UBE3B: variants seen among roughly 807,000 people sequenced by gnomAD.
UBE3B encodes the protein ubiquitin protein ligase E3B.
In UBE3B, 80 loss-of-function variants were observed where a neutral mutation model predicts 132.3. The ratio of observed to expected loss-of-function variants is 0.60; its 90% CI spans 0.50 to 0.73. UBE3B has a LOEUF of 0.73. Ranked by LOEUF, UBE3B falls within the 30% of genes least tolerant of loss-of-function variation. The pLI is 0.00. For synonymous variants in UBE3B, 487 were observed against 520.4 expected, an observed-to-expected ratio of 0.94 and a Z score of 0.87; for missense variants, 1,196 against 1,362.5, an observed-to-expected ratio of 0.88 and a Z score of 1.92.
Position 109,509,675 on chromosome 12 carries a change from A to T in UBE3B, c.1702A>T (p.Asn568Tyr). 1 of 1,610,034 alleles carries T rather than the reference A, an allele frequency of 6.2e-7. No homozygotes were observed. The highest frequency in any genetic ancestry group is 2.2e-5 in the East Asian group (1 of 44,734). ...GCTGGTCACTATCTCCTCTTTCCTG[A>T]ATTCTTTTGTGTTTAAGATGATCTG... ...EELVTISSFL[N>Y]SFVFKMIWDG... The change falls in exon 16 of 28, where the codon AAT becomes TAT. Residue 568 changes from asparagine to tyrosine, a missense_variant. By Grantham distance (143) the Asn-to-Tyr change is moderately radical. Coordinates refer to ENST00000342494, the MANE Select transcript of UBE3B (RefSeq NM_130466.4).
chr12:109,545,269 G>T, the UBE3B span, among the ~76,000 whole-genome samples: 1 of 152,166 alleles, frequency 6.6e-6, no homozygotes, highest in African/African-American at 2.4e-5. Flanking sequence ...GCCGGGCCCC[G>T]CCCAGGAAGC....
intron 3 of UBE3B, 74 bp from the exon 4 acceptor site, chr12:109,483,787 A>G: frequency 1.9e-6 from 3 of 1,586,916 alleles, no homozygotes; most frequent in Non-Finnish European, 2.6e-6. Flanking sequence ...TTTTTCTCAT[A>G]AAGTGCTTGA....
Position 109,509,703 on chromosome 12 carries a change from A to G in UBE3B, c.1730A>G (p.Asp577Gly). 6.2e-7 allele frequency: 1 copy of G among 1,603,912 alleles called. No individual in the cohort carries two copies. The highest frequency in any genetic ancestry group is 8.5e-7 in the Non-Finnish European group (1 of 1,176,524). Residue 577 changes from aspartate (D) to glycine (G), a missense_variant, in exon 16 of 28, where the codon GAT becomes GGT. Physicochemically the swap from Asp to Gly is moderately conservative, Grantham distance 94 (BLOSUM62 -1). Coordinates refer to ENST00000342494, the MANE Select transcript of UBE3B (RefSeq NM_130466.4). Reference protein sequence around the residue: ...LNSFVFKMIWDGIVENAKGET... With the variant: ...LNSFVFKMIWGGIVENAKGET... ...TCTTTTGTGTTTAAGATGATCTGGG[A>G]TGGAATTGTAGGTAAGAGAAAAGGT... is the stretch of plus-strand genomic sequence containing the variant.
At chr12:109,480,042 G>A (rs1875099029) in intron 1 of UBE3B, among the ~76,000 whole-genome samples, 1 of 152,146 alleles carries the variant, frequency 6.6e-6, no homozygotes, top group Non-Finnish European at 1.5e-5. Flanking sequence ...ACAGGGCCAG[G>A]AGTTCATAGC....
chr12:109,506,679 G>A (rs1467173402), intron 14 of UBE3B, among the ~76,000 whole-genome samples: 2 of 152,178 alleles, frequency 1.3e-5, no homozygotes, highest in Non-Finnish European at 2.9e-5. Context: ...CACATTGTCT[G>A]TGGCCGCTTT....
intron 19 of UBE3B, chr12:109,519,701 A>G (rs1265242453): frequency 1.3e-5 from 2 of 152,220 alleles, no homozygotes; most frequent in African/African-American, 4.8e-5. Flanking sequence ...AAATGCTGTT[A>G]CAGCTGCCTG....
At chr12:109,499,007 G>A (rs1352971427) in intron 11 of UBE3B, among the ~76,000 whole-genome samples, 1 of 151,856 alleles carries the variant, frequency 6.6e-6, no homozygotes, top group Admixed American at 6.6e-5. Context: ...TGTATTTTTA[G>A]TGGAGACGGG....
chr12:109,492,245 T>G (rs1232229117), intron 9 of UBE3B: 3 of 152,216 alleles, frequency 2.0e-5, no homozygotes, highest in African/African-American at 7.2e-5. Flanking sequence ...AAATGAAAAT[T>G]CATTTAAGTT....
chr12:109,502,714 GA>G (rs1470866722), intron 13 of UBE3B, among the ~76,000 whole-genome samples: 2 of 152,194 alleles, frequency 1.3e-5, no homozygotes, highest in African/African-American at 4.8e-5. Flanking sequence ...ATAGTCCTCT[GA>G]ATTTTTACCA....
At chr12:109,516,104 G>A (rs1881000377) in intron 18 of UBE3B, among the ~76,000 whole-genome samples, 2 of 151,358 alleles carry the variant, frequency 1.3e-5, no homozygotes, top group African/African-American at 4.9e-5. Context: ...AACTTGTTCT[G>A]CCACCAAGTT....
At chr12:109,532,025 C>T (rs1056814070) in intron 26 of UBE3B, among the ~76,000 whole-genome samples, 4 of 152,114 alleles carry the variant, frequency 2.6e-5, no homozygotes, top group African/African-American at 9.7e-5. Context: ...GATGTGACCA[C>T]GACCATGCTT....
intron 18 of UBE3B, among the ~76,000 whole-genome samples, chr12:109,515,489 CCTCCCGAGTAG>C (rs1034718401): frequency 1.3e-5 from 2 of 152,124 alleles, no homozygotes; most frequent in Non-Finnish European, 2.9e-5. Flanking sequence ...CCTGCCTCAG[CCTCCCGAGTAG>C]CTGGGATTAC....
Position 109,507,549 on chromosome 12 carries a change from CTG to C in UBE3B, c.1451-11_1451-10del. The C allele has an allele frequency of 6.2e-7, 1 of 1,607,794 alleles. No individual in the cohort carries two copies. The highest frequency in any genetic ancestry group is 8.5e-7 in the Non-Finnish European group (1 of 1,176,802). On this transcript the variant is annotated splice_polypyrimidine_tract_variant and intron_variant, in intron 14 of 27. Transcript: ENST00000342494. Reference sequence around the variant, plus strand: ...GTCTCCACCTGAAGCTTGGGTTTCTCTGTGTTTTTTCCAGGTCTCACTTACCT... The same window carrying C: ...GTCTCCACCTGAAGCTTGGGTTTCTCTGTTTTTTCCAGGTCTCACTTACCT...
intron 22 of UBE3B, 134 bp from the exon 23 acceptor site, chr12:109,524,304 G>T: frequency 7.3e-7 from 1 of 1,365,612 alleles, no homozygotes; most frequent in South Asian, 1.3e-5. Context: ...AGTCACGAAT[G>T]ACTTTCTTTG....
At chr12:109,541,820 C>T in the UBE3B span, among the ~76,000 whole-genome samples, 1 of 152,164 alleles carries the variant, frequency 6.6e-6, no homozygotes. Context: ...GTAACTGTAT[C>T]ACTCCCATCT....
At chr12:109,546,890 T>G in the UBE3B span, among the ~76,000 whole-genome samples, 136 of 152,198 alleles carry the variant, frequency 8.9e-4, 2 homozygotes, top group Admixed American at 6.1e-3. Context: ...TTGTATTTTT[T>G]GTAAAGACAG....
At chr12:109,510,561 T>A (rs1880255723) in intron 17 of UBE3B, 103 bp downstream of exon 17, 1 of 885,730 alleles carries the variant, frequency 1.1e-6, no homozygotes, top group Non-Finnish European at 1.8e-6. Flanking sequence ...ACTTTTTCCC[T>A]CTGCTTCATT....
intron 12 of UBE3B, among the ~76,000 whole-genome samples, chr12:109,500,673 C>T (rs1360203882): frequency 2.0e-5 from 3 of 152,216 alleles, no homozygotes; most frequent in African/African-American, 7.2e-5. Flanking sequence ...CTGCTCTCCG[C>T]TCCACTTCCT....
chr12:109,530,983 T>C (rs957299173), intron 26 of UBE3B, among the ~76,000 whole-genome samples: 1 of 152,206 alleles, frequency 6.6e-6, no homozygotes, highest in Non-Finnish European at 1.5e-5. Context: ...CCTTTCATTA[T>C]AGAAGTAAAT....
Sources: gnomAD v4.1 joint callset for allele counts (sites outside exome capture counted in the v4.1 genomes callset) on GRCh38, gnomAD v4.1.1 for gene constraint, MANE v1.5 for transcripts, NCBI Gene and HGNC (gene_info 2026-07-23, HGNC 2026-07-21) for gene names.